The following USP9X variants were observed in gnomAD, a reference collection of about 807,000 sequenced individuals.
USP9X encodes the protein ubiquitin carboxyl-terminal hydrolase 9X.
A neutral mutation model predicts 190.3 loss-of-function variants in USP9X; 7 were observed. The ratio of observed to expected loss-of-function variants is 0.04; its 90% CI spans 0.02 to 0.07. The LOEUF (loss-of-function observed/expected upper bound fraction) is 0.07. USP9X is among the 10% of genes least tolerant of loss of function. The pLI is 1.00. For missense variants in USP9X, 1,010 were observed against 1,916.9 expected (o/e 0.53, Z 8.83); for synonymous variants, 645 against 659.5 (o/e 0.98, Z 0.34).
intron 10 of USP9X, among the ~76,000 whole-genome samples, chrX:41,144,280 C>G (rs2062446742): frequency 1.0e-5 from 1 of 100,247 alleles, no homozygotes; most frequent in African/African-American, 3.7e-5. Context: ...AGTACAGTGG[C>G]TCGATACCGG....
intron 2 of USP9X, among the ~76,000 whole-genome samples, chrX:41,126,247 A>G (rs1947994458): frequency 1.8e-5 from 2 of 111,074 alleles, no homozygotes; most frequent in Admixed American, 9.6e-5. Flanking sequence ...TCTAGTTCCC[A>G]TTTTCGAGAC....
At chrX:41,215,445 C>G (rs767043787) in intron 34 of USP9X, among the ~76,000 whole-genome samples, 10 of 112,703 alleles carry the variant, frequency 8.9e-5, no homozygotes, top group Non-Finnish European at 1.7e-4. Flanking sequence ...GTTACTTGAC[C>G]TCTCTGTGAT....
chrX:41,148,644 A>AC, intron 12 of USP9X, 69 bp downstream of exon 12: 1 of 1,009,081 alleles, frequency 9.9e-7, no homozygotes, highest in Non-Finnish European at 1.4e-6. Flanking sequence ...TAGTTACAGG[A>AC]TAGTTCTGTT....
intron 22 of USP9X, 44 bp from the exon 23 acceptor site, chrX:41,184,353 A>C (rs754547344): frequency 8.2e-5 from 95 of 1,155,021 alleles, no homozygotes; most frequent in Non-Finnish European, 1.0e-4. Context: ...TTTTTTTTTA[A>C]ATCTTTTAAT....
At position 41,218,872 on chromosome X, in the gene USP9X, T is replaced by G. The variant is rs746378836; in HGVS notation, c.6436-230T>G. ...AGTAGATTTTTTCCTATTTTGAAGG[T>G]TTTTTAAATAGTCTTAGATTTTTTT... On this transcript the variant is annotated intron_variant, in intron 37 of 44. Coordinates refer to ENST00000378308, the MANE Select transcript of USP9X (RefSeq NM_001039591.3). Among the ~76,000 whole-genome samples, 4 of 112,349 alleles carry G rather than the reference T, an allele frequency of 3.6e-5. No homozygotes were observed. In the East Asian group the frequency reaches 8.3e-4, roughly 23 times the overall value.
Position 41,232,608 on chromosome X carries a change from A to C in USP9X, c.*84A>C, listed in dbSNP as rs1225770913. ...TTTTTCTGTGTCTGGCTAATATTTA[A>C]AACTAGAAAAACTATTCCTAATCAA... On this transcript the variant is annotated 3_prime_UTR_variant, in exon 45 of 45. Transcript: ENST00000378308. 3 of 1,046,356 alleles carry C rather than the reference A, an allele frequency of 2.9e-6. No individual in the cohort carries two copies. Among genetic ancestry groups the C allele is most frequent in the Non-Finnish European group, 3.8e-6 (3 of 782,036 alleles). 86.2% of individuals were successfully genotyped at this position (1,046,356 alleles called of 1,213,427 possible).
chrX:41,132,221 A>AC (rs764166092), intron 4 of USP9X, among the ~76,000 whole-genome samples: 7 of 107,535 alleles, frequency 6.5e-5, no homozygotes, highest in Non-Finnish European at 1.9e-5. Context: ...TGCAGTCTCT[A>AC]CCTCCTATGT....
At position 41,162,771 on chromosome X, in the gene USP9X, G is replaced by GT; in HGVS notation, c.1898-13dup. 1.7e-6 allele frequency: 2 copies of GT among 1,188,783 alleles called. No individual in the cohort carries two copies. The highest frequency in any genetic ancestry group is 2.3e-6 in the Non-Finnish European group (2 of 880,655). ...GGGTTATCCATGTGTATAATGCATG[G>GT]TTTTTTCTTAATTTGCAGACCATGA... On this transcript the variant is annotated intron_variant, in intron 14 of 44. Transcript: ENST00000378308.
chrX:41,108,944 G>C (rs1194571297), intron 1 of USP9X, among the ~76,000 whole-genome samples: 1 of 111,209 alleles, frequency 9.0e-6, no homozygotes. Flanking sequence ...TGGTGCAATA[G>C]AGCCTGTGCA....
intron 21 of USP9X, among the ~76,000 whole-genome samples, chrX:41,176,293 C>T (rs1387258374): frequency 9.0e-6 from 1 of 111,399 alleles, no homozygotes. Context: ...TAATTCCCAA[C>T]ATAGGACTAC....
At chrX:41,101,449 T>C (rs773665911) in intron 1 of USP9X, among the ~76,000 whole-genome samples, 2 of 109,345 alleles carry the variant, frequency 1.8e-5, no homozygotes, top group African/African-American at 6.7e-5. Flanking sequence ...TAGCCGGGTG[T>C]GGTGGCACAT....
chrX:41,152,091 A>G (rs1428597717), intron 13 of USP9X, among the ~76,000 whole-genome samples: 1 of 112,673 alleles, frequency 8.9e-6, no homozygotes, highest in Non-Finnish European at 1.9e-5. Flanking sequence ...AGACAGAAAT[A>G]GAAAAGGTCA....
intron 10 of USP9X, among the ~76,000 whole-genome samples, chrX:41,144,130 G>A (rs754355356): frequency 1.4e-4 from 15 of 110,950 alleles, no homozygotes; most frequent in Non-Finnish European, 2.8e-4. Context: ...TGTATGAACC[G>A]CCAAAATACA....
At position 41,198,553 on chromosome X, in the gene USP9X, C is replaced by A. The variant is rs1010165716; in HGVS notation, c.4406C>A (p.Pro1469His). The change falls in exon 30 of 45, where the codon CCT (proline) becomes CAT (histidine). Residue 1469 changes from proline to histidine, a missense_variant. By Grantham distance (77) the Pro-to-His change is moderately conservative. Coordinates refer to ENST00000378308, the MANE Select transcript of USP9X (RefSeq NM_001039591.3). Reference sequence around the variant, plus strand: ...GAATTAATTGATGATTTCATATTTCCTGCATCCAATGTTTACCTACAGTAT... The same window carrying A: ...GAATTAATTGATGATTTCATATTTCATGCATCCAATGTTTACCTACAGTAT... ...IKELIDDFIF[P>H]ASNVYLQYMR... The A allele has an allele frequency of 8.3e-7, 1 of 1,204,847 alleles. No homozygotes were observed.
At chrX:41,231,630 T>G (rs1394770350) in intron 44 of USP9X, among the ~76,000 whole-genome samples, 2 of 106,882 alleles carry the variant, frequency 1.9e-5, no homozygotes, top group Non-Finnish European at 1.9e-5. Flanking sequence ...CTCAGGAGGC[T>G]GAGGCAAGAG....
At chrX:41,198,361 T>C (rs2063008310) in intron 29 of USP9X, among the ~76,000 whole-genome samples, 167 bp from the exon 30 acceptor site, 1 of 93,658 alleles carries the variant, frequency 1.1e-5, no homozygotes, top group African/African-American at 3.5e-5. Flanking sequence ...TGATAGTAAA[T>C]AGTGTTTTGA....
chrX:41,198,840 AC>A lies in USP9X; in HGVS notation c.4603+91del, dbSNP rs775158840. 2.4e-5 allele frequency: 21 copies of A among 868,793 alleles called. No homozygotes were observed. The Admixed American group carries it at 5.5e-4, about 23-fold the overall frequency. 71.6% of individuals were successfully genotyped at this position (868,793 alleles called of 1,213,427 possible). A position where few individuals can be genotyped will look rare whatever the true frequency, so the allele number is the denominator to read the frequency against. On this transcript the variant is annotated intron_variant, in intron 30 of 44. Transcript: ENST00000378308. ...TTCTTTCAGAAAATATTTCCAACTTACGTATTTCTTTCAGTAACTAGTTTAA... is the reference window on the plus strand; with the variant it reads ...TTCTTTCAGAAAATATTTCCAACTTAGTATTTCTTTCAGTAACTAGTTTAA...
chrX:41,178,028 C>A (rs2062791100), intron 21 of USP9X, among the ~76,000 whole-genome samples: 1 of 106,115 alleles, frequency 9.4e-6, no homozygotes. Context: ...TGGAATCTGC[C>A]ATTCCAGAGT....
At chrX:41,229,128 G>A in intron 41 of USP9X, 125 bp from the exon 42 acceptor site, 1 of 464,302 alleles carries the variant, frequency 2.2e-6, no homozygotes, top group Non-Finnish European at 3.4e-6. Context: ...TTTAATAATA[G>A]TACCTATTGT....
Sources: allele counts gnomAD v4.1 joint callset (sites outside exome capture counted in the v4.1 genomes callset), GRCh38; gene constraint gnomAD v4.1.1; transcripts MANE v1.5; gene names NCBI Gene and HGNC (gene_info 2026-07-23, HGNC 2026-07-21).